SYN1: variants seen among roughly 807,000 people sequenced by gnomAD.
SYN1 encodes the protein synapsin I.
SYN1 carries 8 observed loss-of-function variants against 44.6 expected under a neutral mutation model. That is an observed-to-expected ratio of 0.18 (90% CI 0.11 to 0.32). SYN1 has a LOEUF of 0.32. Ranked by LOEUF, SYN1 falls within the 10% of genes least tolerant of loss-of-function variation. The pLI, the probability that SYN1 is intolerant of heterozygous loss-of-function variation, is 1.00. For missense variants in SYN1, 451 were observed against 639.4 expected, an observed-to-expected ratio of 0.71 and a Z score of 3.18; for synonymous variants, 275 against 280.1, an observed-to-expected ratio of 0.98 and a Z score of 0.18.
intron 5 of SYN1, among the ~76,000 whole-genome samples, chrX:47,583,242 C>T (rs1401291059): frequency 9.4e-6 from 1 of 106,278 alleles, no homozygotes; most frequent in Non-Finnish European, 1.9e-5. Flanking sequence ...AATTCCTCTG[C>T]GCTCCCCAAT....
intron 5 of SYN1, chrX:47,586,723 C>G: frequency 8.4e-7 from 1 of 1,192,810 alleles, no homozygotes. Flanking sequence ...GAAGCCTGCA[C>G]AGTGTCCACC....
rs2057770865 is a variant in SYN1 at position 47,574,442 on chromosome X, C to T, written c.1542G>A (p.Ala514=). 1 of 1,046,121 alleles carries T rather than the reference C, an allele frequency of 9.6e-7. No homozygotes were observed. Among genetic ancestry groups the T allele is most frequent in the South Asian group, 2.8e-5 (1 of 35,302 alleles). The allele number at this position is 1,046,121 out of a possible 1,213,427, so 86.2% of individuals were successfully genotyped here. Residue 514 remains alanine (A), a synonymous_variant, in exon 12 of 13, where the codon GCG becomes GCA. Transcript: ENST00000295987. The part of the protein sequence containing the change: ...LPQRLPSPTS[A]PQQPASQAAP... Reference sequence around the variant, plus strand: ...CGGCCTGGGACGCGGGCTGCTGGGGCGCTGAGGTGGGACTTGGAAGGCGCT... The same window carrying T: ...CGGCCTGGGACGCGGGCTGCTGGGGTGCTGAGGTGGGACTTGGAAGGCGCT...
intron 5 of SYN1, among the ~76,000 whole-genome samples, chrX:47,600,058 A>C (rs893858631): frequency 2.7e-5 from 3 of 112,698 alleles, no homozygotes; most frequent in Non-Finnish European, 5.6e-5. Flanking sequence ...GTATATGTGC[A>C]CCTAACAACA....
chrX:47,608,096 G>A (rs961240247), intron 1 of SYN1, among the ~76,000 whole-genome samples: 24 of 111,418 alleles, frequency 2.2e-4, no homozygotes, highest in Non-Finnish European at 4.0e-4. Context: ...CAGCTACTGG[G>A]GAGGCTGAGG....
intron 5 of SYN1, among the ~76,000 whole-genome samples, chrX:47,580,186 T>C (rs1329565491): frequency 1.1e-5 from 1 of 91,612 alleles, no homozygotes; most frequent in Non-Finnish European, 2.2e-5. Context: ...AGAACAGTGC[T>C]TTTTTTTTTT....
At chrX:47,603,892 A>G (rs2313092) in intron 5 of SYN1, among the ~76,000 whole-genome samples, 1 of 77,023 alleles carries the variant, frequency 1.3e-5, no homozygotes, top group Non-Finnish European at 2.5e-5. Context: ...ATTAGTGATT[A>G]TATATATATA....
chrX:47,613,131 CAAAAAAAAAAAAAA>C (rs752216661), intron 1 of SYN1, among the ~76,000 whole-genome samples: 3 of 37,381 alleles, frequency 8.0e-5, no homozygotes, highest in Admixed American at 3.8e-4. Flanking sequence ...ACTCCGTCTC[CAAAAAAAAAAAAAA>C]AAAAAAAAAA....
intron 1 of SYN1, among the ~76,000 whole-genome samples, 169 bp downstream of exon 1, chrX:47,619,183 C>T (rs1166793350): frequency 9.1e-6 from 1 of 110,284 alleles, no homozygotes; most frequent in African/African-American, 3.3e-5. Context: ...CGGAGGGGGG[C>T]GACAAGGGCG....
At chrX:47,582,111 G>T (rs896649371) in intron 5 of SYN1, among the ~76,000 whole-genome samples, 1 of 112,607 alleles carries the variant, frequency 8.9e-6, no homozygotes, top group Non-Finnish European at 1.9e-5. Context: ...GGATGTGGGT[G>T]ATTGGATAGA....
chrX:47,575,941 C>T (rs890923130), intron 9 of SYN1, among the ~76,000 whole-genome samples, 190 bp downstream of exon 9: 5 of 112,140 alleles, frequency 4.5e-5, no homozygotes, highest in South Asian at 3.7e-4. Context: ...TCACCAGGGA[C>T]GTGCAAGTTC....
chrX:47,605,148 C>A, intron 4 of SYN1, 75 bp downstream of exon 4: 1 of 1,201,420 alleles, frequency 8.3e-7, no homozygotes. Context: ...TTCCCCAAAT[C>A]GCAGACTGGT....
In SYN1 at chrX:47,607,217, A is replaced by T. The variant is rs138330819; in HGVS notation, c.378-19T>A. 1.2e-5 allele frequency: 15 copies of T among 1,200,761 alleles called. No individual in the cohort carries two copies. In the East Asian group the frequency reaches 4.4e-4, roughly 36 times the overall value. On this transcript the variant is annotated intron_variant, in intron 1 of 12. Transcript: ENST00000295987. Reference sequence around the variant, plus strand: ...TTTTGCCCTGGAGAGGAAAAACAACACATCTGTCAATGATGAAATCTCAGA... The same window carrying T: ...TTTTGCCCTGGAGAGGAAAAACAACTCATCTGTCAATGATGAAATCTCAGA...
intron 1 of SYN1, among the ~76,000 whole-genome samples, chrX:47,607,437 G>A (rs1173126089): frequency 8.9e-6 from 1 of 112,028 alleles, no homozygotes; most frequent in Non-Finnish European, 1.9e-5. Flanking sequence ...TTACACTGCA[G>A]AGAGCAGGTA....
intron 3 of SYN1, among the ~76,000 whole-genome samples, chrX:47,605,939 T>C (rs2057895509): frequency 9.1e-6 from 1 of 110,121 alleles, no homozygotes; most frequent in African/African-American, 3.3e-5. Flanking sequence ...GTTGCTCTGT[T>C]GTCCAGGCGC....
In SYN1 at chrX:47,606,751, AT is replaced by A. The variant is rs4066713; in HGVS notation, c.527+193del. The stretch of plus-strand genomic sequence containing the variant: ...CTGAAATATATATATATATATATAT[AT>A]TTTTTTTTAAAGTCTGACTTGTGGC... On this transcript the variant is annotated intron_variant, in intron 3 of 12. Transcript: ENST00000295987. Among the ~76,000 whole-genome samples, 838 of 93,228 alleles carry A rather than the reference AT, an allele frequency of 9.0e-3. 17 individuals carry two copies. Among genetic ancestry groups the A allele is most frequent in the African/African-American group, 0.031 (763 of 24,848 alleles). 81.0% of individuals were successfully genotyped at this position (93,228 alleles called of 115,157 possible). A position where few individuals can be genotyped will look rare whatever the true frequency, so the allele number is the denominator to read the frequency against.
chrX:47,576,032 T>C lies in SYN1; in HGVS notation c.1158+99A>G, dbSNP rs2057776479. On this transcript the variant is annotated intron_variant, in intron 9 of 12. Transcript: ENST00000295987. Reference sequence around the variant, plus strand: ...TTACAGTGTACTAAGCACATTGCTGTTGGCTGAGGACCTCTGTGCCATGGA... The same window carrying C: ...TTACAGTGTACTAAGCACATTGCTGCTGGCTGAGGACCTCTGTGCCATGGA... The C allele has an allele frequency of 1.0e-5, 9 of 878,425 alleles. 1 individual carries two copies. Among genetic ancestry groups the C allele is most frequent in the South Asian group, 6.4e-5 (3 of 47,056 alleles). 72.4% of individuals were successfully genotyped at this position (878,425 alleles called of 1,213,427 possible).
rs755832757 is a variant in SYN1 at position 47,574,012 on chromosome X, G to A, written c.1972C>T (p.Pro658Ser). 8.7e-7 allele frequency: 1 copy of A among 1,144,627 alleles called. No individual in the cohort carries two copies. Among genetic ancestry groups the A allele is most frequent in the Admixed American group, 2.7e-5 (1 of 37,166 alleles). The allele number at this position is 1,144,627 out of a possible 1,213,427, so 94.3% of individuals were successfully genotyped here. A position where few individuals can be genotyped will look rare whatever the true frequency, so the allele number is the denominator to read the frequency against. The change falls in exon 12 of 13, where the codon CCC becomes TCC. Residue 658 changes from proline (P) to serine (S), a missense_variant. Pro to Ser is a moderately conservative substitution (Grantham distance 74, BLOSUM62 -1). Coordinates refer to ENST00000295987, the MANE Select transcript of SYN1 (RefSeq NM_006950.3). ...TAGGGGTCCCCTTACTTGAGCTGGG[G>A]GTGCGGAGGTCCCCCTGCAGCGGCG... The part of the protein sequence containing the change: ...ATAAAGGPPH[P>S]QLNKSQSLTN...
intron 5 of SYN1, among the ~76,000 whole-genome samples, chrX:47,600,075 A>G (rs2057875231): frequency 8.9e-6 from 1 of 112,958 alleles, no homozygotes; most frequent in Non-Finnish European, 1.9e-5. Context: ...AACACAGCAC[A>G]AAATATATGA....
At position 47,584,953 on chromosome X, in the gene SYN1, G is replaced by T. The variant is rs145937340; in HGVS notation, c.775-7452C>A. ...TCCTGCAGTCATCAGGGCCAAGTTC[G>T]TGGGGACACCAGAAGTCAACCAGAC... is the stretch of plus-strand genomic sequence containing the variant. On this transcript the variant is annotated intron_variant, in intron 5 of 12. Transcript: ENST00000295987. 4.5e-5 allele frequency: 54 copies of T among 1,208,951 alleles called. No individual in the cohort carries two copies. In the South Asian group the frequency reaches 9.0e-4, roughly 20 times the overall value.
Sources: allele counts gnomAD v4.1 joint callset (sites outside exome capture counted in the v4.1 genomes callset), GRCh38; gene constraint gnomAD v4.1.1; transcripts MANE v1.5; gene names NCBI Gene and HGNC (gene_info 2026-07-23, HGNC 2026-07-21).